CDH2: variants seen among roughly 807,000 people sequenced by gnomAD.
The protein encoded by CDH2 is cadherin 2, also known as cadherin-2.
In CDH2, 17 loss-of-function variants were observed where a neutral mutation model predicts 92.0. The ratio of observed to expected loss-of-function variants is 0.18; its 90% CI spans 0.13 to 0.28. CDH2 has a LOEUF of 0.28. Among genes scored for constraint, CDH2 ranks in the 10% least tolerant of loss-of-function variants. The pLI is 1.00. For missense variants in CDH2, 862 were observed against 1,133.1 expected, an observed-to-expected ratio of 0.76 and a Z score of 3.44; for synonymous variants, 419 against 415.9, an observed-to-expected ratio of 1.01 and a Z score of -0.09.
intron 2 of CDH2, among the ~76,000 whole-genome samples, chr18:28,114,160 C>T (rs1413975477): frequency 6.6e-6 from 1 of 152,020 alleles, no homozygotes; most frequent in Non-Finnish European, 1.5e-5. Flanking sequence ...ATGACACTAA[C>T]AATATTTCAT....
chr18:28,003,197 T>G, intron 6 of CDH2, 28 bp from the exon 7 acceptor site: 3 of 1,555,306 alleles, frequency 1.9e-6, no homozygotes, highest in Non-Finnish European at 1.8e-6. Context: ...GGAAAATGAA[T>G]GGTTACCCTT....
At chr18:28,120,805 T>C (rs2144271244) in intron 2 of CDH2, among the ~76,000 whole-genome samples, 1 of 152,264 alleles carries the variant, frequency 6.6e-6, no homozygotes, top group Non-Finnish European at 1.5e-5. Context: ...GGGTCACCCC[T>C]AGACACAGAT....
chr18:28,145,221 C>T (rs1374893328), intron 2 of CDH2, among the ~76,000 whole-genome samples: 1 of 152,012 alleles, frequency 6.6e-6, no homozygotes, highest in Non-Finnish European at 1.5e-5. Context: ...ATGCCATCAA[C>T]GGGAAATTAA....
chr18:28,068,217 C>T (rs756048518), intron 2 of CDH2, among the ~76,000 whole-genome samples: 2 of 152,142 alleles, frequency 1.3e-5, no homozygotes, highest in Non-Finnish European at 1.5e-5. Flanking sequence ...AGAAGATCCC[C>T]GATCCCCAAA....
downstream of CDH2, among the ~76,000 whole-genome samples, chr18:27,947,773 A>AAGTATGTGATG (rs1567930964): frequency 6.6e-6 from 1 of 150,750 alleles, no homozygotes; most frequent in Non-Finnish European, 1.5e-5. Flanking sequence ...TATATGTGAT[A>AAGTATGTGATG]TAAGTATATG....
chr18:28,145,881 C>A (rs2016027497), intron 2 of CDH2, among the ~76,000 whole-genome samples: 1 of 151,722 alleles, frequency 6.6e-6, no homozygotes, highest in African/African-American at 2.4e-5. Flanking sequence ...TATACCAAAA[C>A]TGTAAAAATC....
chr18:27,999,969 C>A (rs1216561243), intron 7 of CDH2, among the ~76,000 whole-genome samples: 2 of 152,136 alleles, frequency 1.3e-5, no homozygotes, highest in African/African-American at 2.4e-5. Flanking sequence ...CTTCATTTCT[C>A]TCCTTCCGCC....
At chr18:28,034,342 A>G (rs938105369) in intron 2 of CDH2, among the ~76,000 whole-genome samples, 18 of 152,182 alleles carry the variant, frequency 1.2e-4, no homozygotes, top group African/African-American at 4.3e-4. Flanking sequence ...GCTTTTGTTC[A>G]TGCTGAGCAG....
At chr18:28,175,717 C>T (rs1212075132) in intron 1 of CDH2, among the ~76,000 whole-genome samples, 2 of 152,216 alleles carry the variant, frequency 1.3e-5, no homozygotes, top group African/African-American at 2.4e-5. Context: ...CCGGAGCAGG[C>T]ACTTCCGAGC....
chr18:28,143,121 T>G (rs1055958972), intron 2 of CDH2, among the ~76,000 whole-genome samples: 1 of 152,040 alleles, frequency 6.6e-6, no homozygotes, highest in Non-Finnish European at 1.5e-5. Flanking sequence ...TGAGCATGAA[T>G]GGATTACTGA....
Position 28,001,886 on chromosome 18 carries a change from C to T in CDH2, c.1020+1111G>A, listed in dbSNP as rs925581787. Reference sequence around the variant, plus strand: ...ATAGCAAATAAAGTGTCAAAAAACACGAACTTCTAAAATCCTTGTCAATGA... The same window carrying T: ...ATAGCAAATAAAGTGTCAAAAAACATGAACTTCTAAAATCCTTGTCAATGA... On this transcript the variant is annotated intron_variant, in intron 7 of 15. Coordinates refer to ENST00000269141, the MANE Select transcript of CDH2 (RefSeq NM_001792.5). Among the ~76,000 whole-genome samples, 5 of 152,192 alleles carry T rather than the reference C, an allele frequency of 3.3e-5. No homozygotes were observed. In the East Asian group the frequency reaches 5.8e-4, roughly 18 times the overall value.
At chr18:28,038,482 G>A (rs868523122) in intron 2 of CDH2, among the ~76,000 whole-genome samples, 1 of 150,918 alleles carries the variant, frequency 6.6e-6, no homozygotes, top group Non-Finnish European at 1.5e-5. Context: ...TGTATGAAAT[G>A]TGCCTGTTCT....
At chr18:28,151,777 T>A (rs935017338) in intron 1 of CDH2, among the ~76,000 whole-genome samples, 1 of 152,202 alleles carries the variant, frequency 6.6e-6, no homozygotes, top group Non-Finnish European at 1.5e-5. Flanking sequence ...ATTTCCCTAA[T>A]ATTTGAATGG....
chr18:28,029,295 A>T (rs1473689326), intron 2 of CDH2, among the ~76,000 whole-genome samples: 1 of 152,148 alleles, frequency 6.6e-6, no homozygotes, highest in Non-Finnish European at 1.5e-5. Flanking sequence ...AATAAAAGGC[A>T]ATTTAAAGGT....
chr18:28,128,685 C>CA (rs35960464), intron 2 of CDH2, among the ~76,000 whole-genome samples: 1,759 of 113,760 alleles, frequency 0.015, 27 homozygotes, highest in African/African-American at 0.044. Flanking sequence ...GACCCCGTCT[C>CA]AAAAAAAAAA....
intron 6 of CDH2, among the ~76,000 whole-genome samples, chr18:27,936,784 C>T (rs1451135537): frequency 6.6e-6 from 1 of 152,092 alleles, no homozygotes; most frequent in East Asian, 1.9e-4. Flanking sequence ...ATCCTCCTGC[C>T]TTGGCTCCCA....
At chr18:27,945,248 G>T (rs1181320960) in intron 6 of CDH2, among the ~76,000 whole-genome samples, 2 of 148,276 alleles carry the variant, frequency 1.3e-5, no homozygotes, top group African/African-American at 4.9e-5. Flanking sequence ...AAAAAAAAGA[G>T]AAGTGCTCTT....
At chr18:27,966,792 C>T (rs1352451722) in intron 14 of CDH2, among the ~76,000 whole-genome samples, 1 of 152,076 alleles carries the variant, frequency 6.6e-6, no homozygotes, top group Non-Finnish European at 1.5e-5. Context: ...ATCTTAAGAA[C>T]CAGAGAGCAG....
chr18:28,073,000 CAACT>C (rs755562627), intron 2 of CDH2, among the ~76,000 whole-genome samples: 1 of 151,952 alleles, frequency 6.6e-6, no homozygotes, highest in Non-Finnish European at 1.5e-5. Flanking sequence ...GTCAGAATAC[CAACT>C]GTCAATAATG....
Sources: gnomAD v4.1 joint callset for allele counts (sites outside exome capture counted in the v4.1 genomes callset) on GRCh38, gnomAD v4.1.1 for gene constraint, MANE v1.5 for transcripts, NCBI Gene and HGNC (gene_info 2026-07-23, HGNC 2026-07-21) for gene names.